TAFA2: variants seen among roughly 807,000 people sequenced by gnomAD.
The protein encoded by TAFA2 is chemokine-like protein TAFA-2.
In TAFA2, 7 loss-of-function variants were observed where a neutral mutation model predicts 18.8. That is an observed-to-expected ratio of 0.37 (90% confidence interval 0.21 to 0.70). The LOEUF (loss-of-function observed/expected upper bound fraction) is 0.70. Ranked by LOEUF, TAFA2 falls within the 30% of genes least tolerant of loss-of-function variation. The probability of loss-of-function intolerance (pLI) is 0.53; values close to 1 mark genes in which losing one functional copy is unlikely to be tolerated. For missense variants in TAFA2, 122 were observed against 158.1 expected, an observed-to-expected ratio of 0.77 and a Z score of 1.23; for synonymous variants, 60 against 54.2, an observed-to-expected ratio of 1.11 and a Z score of -0.47.
chr12:61,917,607 G>A (rs576391188), intron 1 of TAFA2, among the ~76,000 whole-genome samples: 249 of 152,286 alleles, frequency 1.6e-3, no homozygotes, highest in African/African-American at 5.8e-3. Context: ...AGCTTGGCAG[G>A]CGGATATTGA....
chr12:61,757,186 A>G (rs947404669), intron 2 of TAFA2, among the ~76,000 whole-genome samples: 64 of 152,096 alleles, frequency 4.2e-4, no homozygotes, highest in African/African-American at 1.5e-3. Flanking sequence ...AGTCTCTGTG[A>G]TCAAGGATGA....
chr12:61,713,810 A>G (rs867380640), intron 4 of TAFA2, among the ~76,000 whole-genome samples: 11 of 152,316 alleles, frequency 7.2e-5, no homozygotes, highest in South Asian at 4.1e-4. Context: ...TGGGGGGGAA[A>G]CATATTTTAA....
chr12:61,873,613 GT>G (rs1399410387), intron 1 of TAFA2, among the ~76,000 whole-genome samples: 1 of 152,060 alleles, frequency 6.6e-6, no homozygotes, highest in Non-Finnish European at 1.5e-5. Flanking sequence ...TATTCCTTTA[GT>G]TTCCTTATTT....
chr12:61,763,470 A>G (rs1052222746), intron 2 of TAFA2, among the ~76,000 whole-genome samples: 2 of 151,990 alleles, frequency 1.3e-5, no homozygotes, highest in Non-Finnish European at 2.9e-5. Context: ...TCAATCATGA[A>G]TATCTTCCCA....
chr12:62,126,009 T>A (rs1213289790), intron 1 of TAFA2, among the ~76,000 whole-genome samples: 1 of 152,112 alleles, frequency 6.6e-6, no homozygotes, highest in African/African-American at 2.4e-5. Context: ...AGAATCCAGA[T>A]CACGGAAAAC....
intron 4 of TAFA2, among the ~76,000 whole-genome samples, chr12:61,733,749 G>A (rs28830203): frequency 0.3 from 45,433 of 151,400 alleles, 7,155 homozygotes; most frequent in South Asian, 0.37. Flanking sequence ...TTGACTTGGC[G>A]ATGCTGGCTC....
At chr12:61,902,446 C>T (rs1415077600) in intron 1 of TAFA2, among the ~76,000 whole-genome samples, 1 of 152,182 alleles carries the variant, frequency 6.6e-6, no homozygotes, top group African/African-American at 2.4e-5. Context: ...CTCTCTGTAA[C>T]ATGAACACAG....
At chr12:61,992,525 A>G (rs747545442) in intron 1 of TAFA2, among the ~76,000 whole-genome samples, 1 of 152,130 alleles carries the variant, frequency 6.6e-6, no homozygotes, top group Non-Finnish European at 1.5e-5. Context: ...GTTTGTTCCT[A>G]CATAGCAGCT....
intron 1 of TAFA2, among the ~76,000 whole-genome samples, chr12:61,903,848 A>G (rs1213584817): frequency 6.6e-6 from 1 of 152,184 alleles, no homozygotes; most frequent in Non-Finnish European, 1.5e-5. Flanking sequence ...AGAATTCAAG[A>G]GTAAAACCCT....
chr12:61,940,667 A>G (rs2121419470), intron 1 of TAFA2, among the ~76,000 whole-genome samples: 1 of 152,324 alleles, frequency 6.6e-6, no homozygotes, highest in Admixed American at 6.5e-5. Context: ...CAGAATGGGC[A>G]TCCTTTTCTC....
At chr12:61,879,247 C>A (rs1472043168) in intron 1 of TAFA2, 2 of 384,718 alleles carry the variant, frequency 5.2e-6, no homozygotes, top group East Asian at 5.3e-5. Flanking sequence ...AATGAAGAAG[C>A]AGCAGCTTCT....
intron 1 of TAFA2, chr12:62,234,787 G>T: frequency 9.6e-7 from 1 of 1,045,608 alleles, no homozygotes; most frequent in Non-Finnish European, 1.5e-6. Flanking sequence ...GGTCTGGGAT[G>T]CTCCGGTAGG....
At chr12:61,873,938 T>C (rs941469554) in intron 1 of TAFA2, among the ~76,000 whole-genome samples, 10 of 152,190 alleles carry the variant, frequency 6.6e-5, no homozygotes, top group African/African-American at 1.7e-4. Context: ...GGGTATACAG[T>C]AACAAATTAG....
intron 1 of TAFA2, among the ~76,000 whole-genome samples, chr12:62,225,523 A>T (rs1471413114): frequency 6.6e-6 from 1 of 152,220 alleles, no homozygotes; most frequent in Non-Finnish European, 1.5e-5. Flanking sequence ...CTAGAAATTA[A>T]TTTTTTAAAT....
intron 1 of TAFA2, among the ~76,000 whole-genome samples, chr12:62,068,316 C>T (rs1882544480): frequency 6.6e-6 from 1 of 152,124 alleles, no homozygotes; most frequent in Non-Finnish European, 1.5e-5. Context: ...GACTTTCGCT[C>T]TCTGTGAACC....
chr12:62,239,427 TTA>T (rs1335559342), intron 1 of TAFA2, among the ~76,000 whole-genome samples: 1 of 152,182 alleles, frequency 6.6e-6, no homozygotes, highest in Non-Finnish European at 1.5e-5. Context: ...ACACAAAACA[TTA>T]TAATACAAAT....
At chr12:61,716,418 T>A (rs1869662568) in intron 4 of TAFA2, among the ~76,000 whole-genome samples, 1 of 152,200 alleles carries the variant, frequency 6.6e-6, no homozygotes, top group African/African-American at 2.4e-5. Flanking sequence ...AATTTCCCTA[T>A]TCTTTATTGA....
rs117973645 is a variant in TAFA2, at chr12:62,052,870, C to A, written c.-2+138389G>T. On this transcript the variant is annotated intron_variant, in intron 1 of 4. Coordinates refer to ENST00000416284, the MANE Select transcript of TAFA2 (RefSeq NM_178539.5). ...AAGTTTAAAATCAGTAAGATCATTT[C>A]TTTAAAAGTTATTTAGTTATTTATT... Among the ~76,000 whole-genome samples the A allele has an allele frequency of 2.8e-3, 431 of 152,262 alleles. 1 individual carries two copies. Among genetic ancestry groups the A allele is most frequent in the Non-Finnish European group, 4.9e-3 (332 of 68,018 alleles).
intron 2 of TAFA2, among the ~76,000 whole-genome samples, chr12:61,859,368 C>T (rs957643983): frequency 2.0e-5 from 3 of 152,210 alleles, no homozygotes; most frequent in African/African-American, 7.2e-5. Flanking sequence ...GGATTATCCC[C>T]ACCCAATTCA....
Sources: allele counts gnomAD v4.1 joint callset (sites outside exome capture counted in the v4.1 genomes callset), GRCh38; gene constraint gnomAD v4.1.1; transcripts MANE v1.5; gene names NCBI Gene and HGNC (gene_info 2026-07-23, HGNC 2026-07-21).